DMD: variants seen among roughly 807,000 people sequenced by gnomAD.
The protein encoded by DMD is dystrophin.
Under a neutral mutation model 330.1 loss-of-function variants are expected in DMD, and 63 were observed. That is an observed-to-expected ratio of 0.19 (90% CI 0.16 to 0.24). The LOEUF (loss-of-function observed/expected upper bound fraction) is 0.24. Among genes scored for constraint, DMD ranks in the 10% least tolerant of loss-of-function variants. The pLI is 1.00. For synonymous variants in DMD, 1,223 were observed against 959.8 expected (o/e 1.27, Z -5.07); for missense variants, 3,344 against 2,684.1 (o/e 1.25, Z -5.43).
intron 21 of DMD, among the ~76,000 whole-genome samples, chrX:32,481,418 A>G (rs1176079155): frequency 9.0e-6 from 1 of 111,524 alleles, no homozygotes; most frequent in Non-Finnish European, 1.9e-5. Flanking sequence ...TTGAAAAAAT[A>G]CAACTAAGGG....
At chrX:33,281,975 T>C (rs528212836) in intron 1 of DMD, among the ~76,000 whole-genome samples, 1 of 109,567 alleles carries the variant, frequency 9.1e-6, no homozygotes, top group East Asian at 2.9e-4. Flanking sequence ...AGGATTATTG[T>C]GTTAGAATCC....
chrX:32,645,401 G>A (rs2059718610), intron 9 of DMD, among the ~76,000 whole-genome samples: 1 of 111,917 alleles, frequency 8.9e-6, no homozygotes, highest in Admixed American at 9.5e-5. Flanking sequence ...TAGATTACTG[G>A]AAGGAGTAAA....
chrX:32,699,275 G>T lies in DMD; in HGVS notation c.668C>A (p.Pro223Gln). The T allele has an allele frequency of 8.3e-7, 1 of 1,207,451 alleles. No individual in the cohort carries two copies. The highest frequency in any genetic ancestry group is 1.1e-6 in the Non-Finnish European group (1 of 891,913). ...GTACATTAAGATGGACTTCTTATCT[G>T]GATAGGTGGTATCAACATCTGTAAG... ...LDPEDVDTTY[P>Q]DKKSILMYIT... is the part of the protein sequence containing the mutation. The change falls in exon 8 of 79, where the codon CCA (proline) becomes CAA (glutamine). Residue 223 changes from proline to glutamine, a missense_variant. By Grantham distance (76) the Pro-to-Gln change is moderately conservative. Transcript: ENST00000357033.
intron 61 of DMD, among the ~76,000 whole-genome samples, chrX:31,341,501 T>A (rs1233145297): frequency 8.9e-6 from 1 of 112,278 alleles, no homozygotes; most frequent in Non-Finnish European, 1.9e-5. Flanking sequence ...GATACCATTT[T>A]GATAAGGCAG....
intron 1 of DMD, among the ~76,000 whole-genome samples, chrX:33,151,631 T>C (rs756481468): frequency 8.9e-6 from 1 of 112,331 alleles, no homozygotes; most frequent in South Asian, 3.7e-4. Flanking sequence ...ATTCTAGCTC[T>C]GCCACTTACT....
At chrX:31,366,341 T>C (rs1022621832) in intron 60 of DMD, among the ~76,000 whole-genome samples, 4 of 107,103 alleles carry the variant, frequency 3.7e-5, no homozygotes, top group African/African-American at 1.0e-4. Context: ...GGAAGAGAGA[T>C]AAGTGGTGCC....
intron 53 of DMD, among the ~76,000 whole-genome samples, chrX:31,671,191 C>T (rs1268555411): frequency 2.7e-5 from 3 of 112,233 alleles, no homozygotes; most frequent in South Asian, 3.6e-4. Context: ...GGATTACAGG[C>T]GTGAGCCACC....
At position 32,825,834 on chromosome X, in the gene DMD, A is replaced by T. The variant is rs5972683; in HGVS notation, c.265-2447T>A. Among the ~76,000 whole-genome samples the T allele has an allele frequency of 4.0e-3, 452 of 111,755 alleles. 7 individuals carry two copies. Among genetic ancestry groups the T allele is most frequent in the African/African-American group, 0.014 (421 of 30,760 alleles). ...TAAAATAGCCAAATTCATAGAGAAA[A>T]AATGGAAGTTATTAAAGGCTAGGGG... On this transcript the variant is annotated intron_variant, in intron 4 of 78. Transcript: ENST00000357033.
At chrX:33,142,844 A>G (rs1040948051) in intron 1 of DMD, among the ~76,000 whole-genome samples, 1 of 112,209 alleles carries the variant, frequency 8.9e-6, no homozygotes, top group African/African-American at 3.2e-5. Flanking sequence ...TGCGTGCTAA[A>G]GCATAGGCTT....
At position 32,733,172 on chromosome X, in the gene DMD, T is replaced by C. The variant is rs540828430; in HGVS notation, c.650-33879A>G. On this transcript the variant is annotated intron_variant, in intron 7 of 78. Coordinates refer to ENST00000357033, the MANE Select transcript of DMD (RefSeq NM_004006.3). ...AGATCAAAAGAGACAAAGAAGGCCA[T>C]TACATAATGGTAAAGGAATCAATTC... 2.6e-4 allele frequency among the ~76,000 whole-genome samples: 29 copies of C among 110,154 alleles called. No individual in the cohort carries two copies. The South Asian group carries it at 8.1e-3, about 31-fold the overall frequency.
intron 54 of DMD, among the ~76,000 whole-genome samples, chrX:31,638,834 A>G (rs987461827): frequency 2.7e-5 from 3 of 112,179 alleles, no homozygotes; most frequent in Non-Finnish European, 5.6e-5. Context: ...AATATCTCTT[A>G]TAATTTTTAC....
intron 2 of DMD, among the ~76,000 whole-genome samples, chrX:32,963,586 G>A (rs1428496075): frequency 8.9e-6 from 1 of 112,468 alleles, no homozygotes; most frequent in African/African-American, 3.2e-5. Context: ...TTGATTGATT[G>A]TATTAATCCA....
In DMD at chrX:33,283,734, C is replaced by T. The variant is rs749672536; in HGVS notation, c.7+55525G>A. ...TATTTAATTTTATGAAAACATCTGTCGAGGCCAGGTGCGGTGGCTCACACC... is the reference window on the plus strand; with the variant it reads ...TATTTAATTTTATGAAAACATCTGTTGAGGCCAGGTGCGGTGGCTCACACC... On this transcript the variant is annotated intron_variant, in intron 1 of 17. Coordinates refer to the DMD transcript ENST00000288447. Among the ~76,000 whole-genome samples, 19 of 110,504 alleles carry T rather than the reference C, an allele frequency of 1.7e-4. 1 individual carries two copies. In the South Asian group the frequency reaches 7.0e-3, roughly 41 times the overall value.
At chrX:32,962,285 T>C (rs2091930775) in intron 2 of DMD, among the ~76,000 whole-genome samples, 1 of 112,198 alleles carries the variant, frequency 8.9e-6, no homozygotes, top group African/African-American at 3.2e-5. Flanking sequence ...AAGGTTATGC[T>C]TTTGAGTTCT....
intron 43 of DMD, among the ~76,000 whole-genome samples, chrX:32,252,851 AAT>A (rs1189775743): frequency 4.1e-5 from 3 of 72,675 alleles, no homozygotes; most frequent in Admixed American, 2.1e-4. Context: ...TAAATATATA[AAT>A]ATATATAAAT....
intron 60 of DMD, among the ~76,000 whole-genome samples, chrX:31,431,308 A>G (rs1267273915): frequency 8.9e-6 from 1 of 112,199 alleles, no homozygotes; most frequent in East Asian, 2.8e-4. Flanking sequence ...GCCAAAAGTA[A>G]GGGGAGTGGA....
chrX:31,379,419 C>T (rs1472849263), intron 60 of DMD, among the ~76,000 whole-genome samples: 1 of 111,277 alleles, frequency 9.0e-6, no homozygotes, highest in Non-Finnish European at 1.9e-5. Context: ...AATAAAAAAA[C>T]AAGCCCAGTT....
chrX:31,950,801 C>A (rs187989978), intron 45 of DMD, among the ~76,000 whole-genome samples: 14 of 109,789 alleles, frequency 1.3e-4, no homozygotes, highest in African/African-American at 3.9e-4. Flanking sequence ...ATTGTCACTT[C>A]ATTTTTTATA....
At chrX:32,788,101 G>C (rs2075544642) in intron 7 of DMD, among the ~76,000 whole-genome samples, 1 of 111,643 alleles carries the variant, frequency 9.0e-6, no homozygotes, top group Admixed American at 9.6e-5. Flanking sequence ...CCCAAAACTA[G>C]TTGGCTCTGT....
Sources: allele counts gnomAD v4.1 joint callset (sites outside exome capture counted in the v4.1 genomes callset), GRCh38; gene constraint gnomAD v4.1.1; transcripts MANE v1.5; gene names NCBI Gene and HGNC (gene_info 2026-07-23, HGNC 2026-07-21).